Variants in UPK2 observed in about 807,000 individuals in gnomAD.
UPK2 encodes uroplakin-2.
Under a neutral mutation model 14.8 loss-of-function variants are expected in UPK2, and 19 were observed. The observed-to-expected ratio is 1.29, with a 90% CI of 0.90 to 1.89. UPK2 has a LOEUF of 1.89. UPK2 is among the 40% of genes most tolerant of loss of function. The pLI is 0.00. For synonymous variants in UPK2, 102 were observed against 101.6 expected, an observed-to-expected ratio of 1.00 and a Z score of -0.02; for missense variants, 232 against 236.0, an observed-to-expected ratio of 0.98 and a Z score of 0.11.
chr11:118,958,183 C>T lies in UPK2; in HGVS notation c.505C>T (p.Leu169=). The change falls in exon 5 of 5, where the codon CTG becomes TTG. Residue 169 remains leucine, a synonymous_variant. Transcript: ENST00000264031. This position sits in a 1 kb window ranked among gnomAD's most constrained non-coding sequence, Gnocchi z 4.6. ...ITVLLSVAMF[L]LVLGFIIALA... ...GGTGCTGCTCTCTGTCGCCATGTTC[C>T]TGCTGGTGCTGGGCTTCATCATTGC... The T allele has an allele frequency of 6.2e-7, 1 of 1,613,992 alleles. No homozygotes were observed. Among genetic ancestry groups the T allele is most frequent in the Non-Finnish European group, 8.5e-7 (1 of 1,179,942 alleles).
At chr11:118,957,916 T>C (rs1349543646) in intron 4 of UPK2, among the ~76,000 whole-genome samples, 181 bp from the exon 5 acceptor site, 2 of 152,180 alleles carry the variant, frequency 1.3e-5, no homozygotes, top group African/African-American at 4.8e-5. Context: ...TTCATAAATG[T>C]CTATGTGATG....
intron 4 of UPK2, 128 bp from the exon 5 acceptor site, chr11:118,957,969 C>T (rs666664): frequency 4.7e-6 from 6 of 1,265,588 alleles, no homozygotes; most frequent in East Asian, 5.0e-5. Context: ...GGTTGGTTGG[C>T]TGGCTGGCTG....
chr11:118,957,951 G>C (rs1266931149), intron 4 of UPK2, 146 bp from the exon 5 acceptor site: 16 of 1,098,958 alleles, frequency 1.5e-5, no homozygotes, highest in African/African-American at 3.1e-5. Flanking sequence ...TCAGCTGGTT[G>C]GTTGGTTGGT....
In UPK2 at chr11:118,957,757, T is replaced by C. The variant is rs1398738475; in HGVS notation, c.418+89T>C. 3.2e-5 allele frequency: 48 copies of C among 1,523,710 alleles called. No individual in the cohort carries two copies. In the East Asian group the frequency reaches 9.2e-4, roughly 29 times the overall value. The allele number at this position is 1,523,710 out of a possible 1,614,324, so 94.4% of individuals were successfully genotyped here. A position where few individuals can be genotyped will look rare whatever the true frequency, so the allele number is the denominator to read the frequency against. Reference sequence around the variant, plus strand: ...TGCCTCATCCCCAGTCTGGGTTGCCTGTGCCTCCCCGTGCGCCCTCGGGGC... The same window carrying C: ...TGCCTCATCCCCAGTCTGGGTTGCCCGTGCCTCCCCGTGCGCCCTCGGGGC... On this transcript the variant is annotated intron_variant, in intron 4 of 4. Transcript: ENST00000264031.
rs1941582536 is a variant in UPK2 at position 118,958,376 on chromosome 11, C to G, written c.*143C>G. 1.1e-6 allele frequency: 1 copy of G among 928,868 alleles called. No homozygotes were observed. Among genetic ancestry groups the G allele is most frequent in the South Asian group, 1.8e-5 (1 of 56,134 alleles). The allele number at this position is 928,868 out of a possible 1,614,324, so 57.5% of individuals were successfully genotyped here. A position where few individuals can be genotyped will look rare whatever the true frequency, so the allele number is the denominator to read the frequency against. Reference sequence around the variant, plus strand: ...CTGCCCTCCTCTCCCCTAGAGCCCTCTCCTCCCTCTGTCCCTCTCCTTGCC... The same window carrying G: ...CTGCCCTCCTCTCCCCTAGAGCCCTGTCCTCCCTCTGTCCCTCTCCTTGCC... On this transcript the variant is annotated 3_prime_UTR_variant, in exon 5 of 5. Coordinates refer to ENST00000264031, the MANE Select transcript of UPK2 (RefSeq NM_006760.4). This position sits in a 1 kb window ranked among gnomAD's most constrained non-coding sequence, Gnocchi z 4.6.
chr11:118,956,429 C>T lies in UPK2; in HGVS notation c.76+3C>T. 1.2e-6 allele frequency: 2 copies of T among 1,605,876 alleles called. No homozygotes were observed. The highest frequency in any genetic ancestry group is 1.7e-6 in the Non-Finnish European group (2 of 1,178,824). ...TCTGCTGTCCCCAGGGGCTGCAGGTCTCTTCCATCTCTGGCAGGGGTGGGA... is the reference window on the plus strand; with the variant it reads ...TCTGCTGTCCCCAGGGGCTGCAGGTTTCTTCCATCTCTGGCAGGGGTGGGA... On this transcript the variant is annotated splice_donor_region_variant and intron_variant, in intron 1 of 4. Transcript: ENST00000264031. This position sits in a 1 kb window ranked among gnomAD's most constrained non-coding sequence, Gnocchi z 4.1.
rs1288254292 is a variant in UPK2 at position 118,958,331 on chromosome 11, G to C, written c.*98G>C. ...CAGGCCCCAGGCCTGTGGCTCCCTTGGTGCCCTCGCCTCCTCCTCCTGCCC... is the reference window on the plus strand; with the variant it reads ...CAGGCCCCAGGCCTGTGGCTCCCTTCGTGCCCTCGCCTCCTCCTCCTGCCC... On this transcript the variant is annotated 3_prime_UTR_variant, in exon 5 of 5. Transcript: ENST00000264031. This position sits in a 1 kb window ranked among gnomAD's most constrained non-coding sequence, Gnocchi z 4.6. 7.1e-7 allele frequency: 1 copy of C among 1,406,398 alleles called. No individual in the cohort carries two copies. The highest frequency in any genetic ancestry group is 9.5e-7 in the Non-Finnish European group (1 of 1,056,740). 87.1% of individuals were successfully genotyped at this position (1,406,398 alleles called of 1,614,324 possible).
chr11:118,958,052 T>TG lies in UPK2; in HGVS notation c.419-40dup, dbSNP rs775684802. ...GTGAGGCCGTGAGCCTCAGGCAGGC[T>TG]GGGGGTCTCTCCCGCCCACAGTGGT... On this transcript the variant is annotated intron_variant, in intron 4 of 4. Coordinates refer to ENST00000264031, the MANE Select transcript of UPK2 (RefSeq NM_006760.4). This position sits in a 1 kb window ranked among gnomAD's most constrained non-coding sequence, Gnocchi z 4.6. 1 of 1,577,040 alleles carries TG rather than the reference T, an allele frequency of 6.3e-7. No individual in the cohort carries two copies. The highest frequency in any genetic ancestry group is 2.3e-5 in the East Asian group (1 of 44,318).
chr11:118,957,711 A>G (rs1265896392), intron 4 of UPK2, 43 bp downstream of exon 4: 1 of 1,609,916 alleles, frequency 6.2e-7, no homozygotes, highest in East Asian at 2.2e-5. Context: ...CAGCGGCCAC[A>G]AACGCTTCCC....
Position 118,958,162 on chromosome 11 carries a change from C to T in UPK2, c.484C>T (p.Leu162=), listed in dbSNP as rs202243407. The change falls in exon 5 of 5, where the codon CTG becomes TTG. Residue 162 remains leucine, a synonymous_variant. Coordinates refer to ENST00000264031, the MANE Select transcript of UPK2 (RefSeq NM_006760.4). The surrounding 1 kb of genome is among the most constrained non-coding windows in gnomAD (Gnocchi z 4.6). ...RTGGMVVITV[L]LSVAMFLLVL... ...AGGGGGCATGGTGGTCATCACGGTG[C>T]TGCTCTCTGTCGCCATGTTCCTGCT... 190 of 1,613,942 alleles carry T rather than the reference C, an allele frequency of 1.2e-4. No homozygotes were observed. Among genetic ancestry groups the T allele is most frequent in the Non-Finnish European group, 1.6e-4 (183 of 1,179,962 alleles).
In UPK2 at chr11:118,956,330, T is replaced by G; in HGVS notation, c.-21T>G. On this transcript the variant is annotated 5_prime_UTR_variant, in exon 1 of 5. Coordinates refer to ENST00000264031, the MANE Select transcript of UPK2 (RefSeq NM_006760.4). This position sits in a 1 kb window ranked among gnomAD's most constrained non-coding sequence, Gnocchi z 4.1. Reference sequence around the variant, plus strand: ...TCAGGAACCCCAGCCTGCCAGCACCTATTCCACCTCCCAGCCCAGCATGGC... The same window carrying G: ...TCAGGAACCCCAGCCTGCCAGCACCGATTCCACCTCCCAGCCCAGCATGGC... 6.2e-7 allele frequency: 1 copy of G among 1,609,426 alleles called. No individual in the cohort carries two copies. Among genetic ancestry groups the G allele is most frequent in the Non-Finnish European group, 8.5e-7 (1 of 1,178,748 alleles).
intron 4 of UPK2, among the ~76,000 whole-genome samples, chr11:118,957,870 TCTTAA>T (rs2134467938): frequency 6.6e-6 from 1 of 152,320 alleles, no homozygotes; most frequent in Non-Finnish European, 1.5e-5. Context: ...GACTGTGTCC[TCTTAA>T]CTTTTCCTCA....
rs1004369650 is a variant in UPK2 at position 118,956,386 on chromosome 11, G to T, written c.36G>T (p.Leu12Phe). Reference sequence around the variant, plus strand: ...TGCTGCCCATCCGGACCTTGCCCTTGATCCTGATTCTGCTGGCTCTGCTGT... The same window carrying T: ...TGCTGCCCATCCGGACCTTGCCCTTTATCCTGATTCTGCTGGCTCTGCTGT... ...APLLPIRTLP[L>F]ILILLALLSP... The change falls in exon 1 of 5, where the codon TTG (leucine) becomes TTT (phenylalanine). Residue 12 changes from leucine to phenylalanine, a missense_variant. Coordinates refer to ENST00000264031, the MANE Select transcript of UPK2 (RefSeq NM_006760.4). This position sits in a 1 kb window ranked among gnomAD's most constrained non-coding sequence, Gnocchi z 4.1. The T allele has an allele frequency of 3.7e-6, 6 of 1,611,178 alleles. No individual in the cohort carries two copies. The highest frequency in any genetic ancestry group is 5.1e-6 in the Non-Finnish European group (6 of 1,179,986).
In UPK2 at chr11:118,956,799, G is replaced by T; in HGVS notation, c.77-84G>T. ...TGCCCAGGGTTCACAGAGTGGAAAG[G>T]GAGATGGCTCCAATGGGACCGGGCC... On this transcript the variant is annotated intron_variant, in intron 1 of 4. Transcript: ENST00000264031. The surrounding 1 kb of genome is among the most constrained non-coding windows in gnomAD (Gnocchi z 4.1). 1 of 1,567,038 alleles carries T rather than the reference G, an allele frequency of 6.4e-7. No individual in the cohort carries two copies. Among genetic ancestry groups the T allele is most frequent in the Non-Finnish European group, 8.7e-7 (1 of 1,148,166 alleles).
Position 118,956,757 on chromosome 11 carries a change from C to A in UPK2, c.77-126C>A. On this transcript the variant is annotated intron_variant, in intron 1 of 4. Transcript: ENST00000264031. This position sits in a 1 kb window ranked among gnomAD's most constrained non-coding sequence, Gnocchi z 4.1. Reference sequence around the variant, plus strand: ...GCCTGCCACCTGGTGGTCATACTGGCACAGGCCTGGCTGTTCTGCCCAGGG... The same window carrying A: ...GCCTGCCACCTGGTGGTCATACTGGAACAGGCCTGGCTGTTCTGCCCAGGG... 7.5e-7 allele frequency: 1 copy of A among 1,328,782 alleles called. No individual in the cohort carries two copies. Among genetic ancestry groups the A allele is most frequent in the Non-Finnish European group, 1.0e-6 (1 of 967,206 alleles). 82.3% of individuals were successfully genotyped at this position (1,328,782 alleles called of 1,614,324 possible). A position where few individuals can be genotyped will look rare whatever the true frequency, so the allele number is the denominator to read the frequency against.
At position 118,956,577 on chromosome 11, in the gene UPK2, A is replaced by G; in HGVS notation, c.76+151A>G. Reference sequence around the variant, plus strand: ...GGGTATCAGACACTGGGCTCAGGGTACACTCCTGATCCTCCTCCAGACCTA... The same window carrying G: ...GGGTATCAGACACTGGGCTCAGGGTGCACTCCTGATCCTCCTCCAGACCTA... On this transcript the variant is annotated intron_variant, in intron 1 of 4. Transcript: ENST00000264031. This position sits in a 1 kb window ranked among gnomAD's most constrained non-coding sequence, Gnocchi z 4.1. 2 of 733,170 alleles carry G rather than the reference A, an allele frequency of 2.7e-6. No individual in the cohort carries two copies. The highest frequency in any genetic ancestry group is 2.7e-5 in the East Asian group (1 of 37,134). 45.4% of individuals were successfully genotyped at this position (733,170 alleles called of 1,614,324 possible).
Position 118,956,505 on chromosome 11 carries a change from A to T in UPK2, c.76+79A>T. ...GCACTGTACCTTCCAGGGCTCTCAA[A>T]GAGAGGTCTGGACAGTTGGGAGTCA... On this transcript the variant is annotated intron_variant, in intron 1 of 4. Transcript: ENST00000264031. This position sits in a 1 kb window ranked among gnomAD's most constrained non-coding sequence, Gnocchi z 4.1. 2 of 1,297,930 alleles carry T rather than the reference A, an allele frequency of 1.5e-6. No homozygotes were observed. Among genetic ancestry groups the T allele is most frequent in the Non-Finnish European group, 2.2e-6 (2 of 924,344 alleles). The allele number at this position is 1,297,930 out of a possible 1,614,324, so 80.4% of individuals were successfully genotyped here.
At chr11:118,957,573 TCTA>T in intron 3 of UPK2, 22 bp from the exon 4 acceptor site, 1 of 1,613,784 alleles carries the variant, frequency 6.2e-7, no homozygotes, top group Non-Finnish European at 8.5e-7. Context: ...CTGAGGGTTC[TCTA>T]CTCTCTCCCA....
Position 118,956,746 on chromosome 11 carries a change from G to A in UPK2, c.77-137G>A. The A allele has an allele frequency of 8.3e-7, 1 of 1,203,958 alleles. No individual in the cohort carries two copies. The highest frequency in any genetic ancestry group is 1.2e-6 in the Non-Finnish European group (1 of 865,618). The allele number at this position is 1,203,958 out of a possible 1,614,324, so 74.6% of individuals were successfully genotyped here. A position where few individuals can be genotyped will look rare whatever the true frequency, so the allele number is the denominator to read the frequency against. On this transcript the variant is annotated intron_variant, in intron 1 of 4. Transcript: ENST00000264031. The surrounding 1 kb of genome is among the most constrained non-coding windows in gnomAD (Gnocchi z 4.1). ...CTGCAGCCCAAGCCTGCCACCTGGT[G>A]GTCATACTGGCACAGGCCTGGCTGT...
Sources: allele counts gnomAD v4.1 joint callset (sites outside exome capture counted in the v4.1 genomes callset), GRCh38; gene constraint gnomAD v4.1.1; non-coding constraint Gnocchi (gnomAD v3.1); transcripts MANE v1.5; gene names NCBI Gene and HGNC (gene_info 2026-07-23, HGNC 2026-07-21).